Variants in RAB19 observed in about 807,000 individuals in gnomAD.
The protein encoded by RAB19 is RAB19, member RAS oncogene family.
RAB19 carries 21 observed loss-of-function variants against 17.3 expected under a neutral mutation model. That is an observed-to-expected ratio of 1.21 (90% CI 0.86 to 1.74). RAB19 has a LOEUF of 1.74. RAB19 is among the 40% of genes most tolerant of loss of function. The probability of loss-of-function intolerance (pLI) is 0.00; values close to 1 mark genes in which losing one functional copy is unlikely to be tolerated. For synonymous variants in RAB19, 126 were observed against 110.4 expected (o/e 1.14, Z -0.88); for missense variants, 277 against 286.8 (o/e 0.97, Z 0.25).
chr7:140,425,949 G>GCAC lies in RAB19; in HGVS notation c.453_454insCAC (p.Lys151_Tyr152insHis). On this transcript the variant is annotated inframe_insertion, in exon 4 of 4. Transcript: ENST00000537763. ...AGGATGCCTGCACACTGGCTGAGAAGTACGGCCTCCTGGCCGTTTTGGAGA... is the reference window on the plus strand; with the variant it reads ...AGGATGCCTGCACACTGGCTGAGAAGCACTACGGCCTCCTGGCCGTTTTGGAGA... The GCAC allele has an allele frequency of 6.2e-7, 1 of 1,614,196 alleles. No individual in the cohort carries two copies. The highest frequency in any genetic ancestry group is 8.5e-7 in the Non-Finnish European group (1 of 1,180,022).
Position 140,411,936 on chromosome 7 carries a change from C to T in RAB19, c.264C>T (p.Arg88=). 6.2e-7 allele frequency: 1 copy of T among 1,614,226 alleles called. No homozygotes were observed. Among genetic ancestry groups the T allele is most frequent in the Admixed American group, 1.7e-5 (1 of 60,006 alleles). Residue 88 remains arginine, a synonymous_variant, in exon 3 of 4, where the codon CGC becomes CGT. Transcript: ENST00000537763. ...GCACCATCACCCAAAGCTACTACCG[C>T]AGTGCCCACGCAGCCATCATCGCCT... is the stretch of plus-strand genomic sequence containing the variant. ...RFRTITQSYY[R]SAHAAIIAYD...
chr7:140,411,704 T>C (rs1336422998), intron 2 of RAB19, 170 bp from the exon 3 acceptor site: 31 of 1,437,914 alleles, frequency 2.2e-5, no homozygotes, highest in Non-Finnish European at 2.8e-5. Context: ...ATCCAAGTCA[T>C]CCAGGGAGCA....
intron 1 of RAB19, among the ~76,000 whole-genome samples, chr7:140,406,577 T>C (rs1799244825): frequency 1.3e-5 from 2 of 150,674 alleles, no homozygotes; most frequent in Admixed American, 6.6e-5. Flanking sequence ...AGGCAGAGGT[T>C]GCAGTGAGCT....
Position 140,425,920 on chromosome 7 carries a change from T to C in RAB19, c.424T>C (p.Phe142Leu), listed in dbSNP as rs777801769. 8.7e-6 allele frequency: 14 copies of C among 1,613,998 alleles called. No individual in the cohort carries two copies. Among genetic ancestry groups the C allele is most frequent in the African/African-American group, 2.7e-5 (2 of 74,922 alleles). The stretch of plus-strand genomic sequence containing the variant: ...CCTCTGGGAAAAGCGGCACGTCCTG[T>C]TCGAGGATGCCTGCACACTGGCTGA... ...CDLWEKRHVL[F>L]EDACTLAEKY... Residue 142 changes from phenylalanine to leucine, a missense_variant, in exon 4 of 4, where the codon TTC becomes CTC. Coordinates refer to ENST00000537763, the MANE Select transcript of RAB19 (RefSeq NM_001008749.3).
chr7:140,409,970 G>A (rs1326574552), intron 2 of RAB19, among the ~76,000 whole-genome samples: 118 of 140,132 alleles, frequency 8.4e-4, no homozygotes, highest in African/African-American at 2.9e-3. Flanking sequence ...TCCAGCCTGG[G>A]CAACAGAGCG....
intron 3 of RAB19, among the ~76,000 whole-genome samples, 191 bp downstream of exon 3, chr7:140,412,248 C>A (rs6464764): frequency 0.52 from 79,260 of 151,546 alleles, 21,029 homozygotes; most frequent in Non-Finnish European, 0.56. Context: ...TCAGGAGATC[C>A]AGACCATCCT....
At chr7:140,417,334 C>T (rs942315619) in intron 3 of RAB19, among the ~76,000 whole-genome samples, 3 of 150,644 alleles carry the variant, frequency 2.0e-5, no homozygotes, top group African/African-American at 7.3e-5. Context: ...GCTAGGAGTT[C>T]AAGGCTGCAG....
rs61746896 is a variant in RAB19 at position 140,411,903 on chromosome 7, G to A, written c.231G>A (p.Glu77=). ...KMQVWDTAGQ[E]RFRTITQSYY... is the part of the protein sequence containing the mutation. ...AGGTGTGGGACACAGCTGGCCAGGA[G>A]CGCTTCCGCACCATCACCCAAAGCT... Residue 77 remains glutamate (E), a synonymous_variant, in exon 3 of 4, where the codon GAG becomes GAA. Transcript: ENST00000537763. The A allele has an allele frequency of 1.1e-3, 1,780 of 1,614,176 alleles. 11 individuals are homozygous for A. In the African/African-American group the frequency reaches 0.019, roughly 17 times the overall value.
intron 2 of RAB19, 33 bp downstream of exon 2, chr7:140,407,880 CTTTTTTTTTT>C (rs71170993): frequency 0.021 from 13,625 of 637,554 alleles, 47 homozygotes; most frequent in Non-Finnish European, 0.028. Context: ...CTGGTTCCAC[CTTTTTTTTTT>C]TTTTTTTTTT....
chr7:140,426,285 C>A lies in RAB19; in HGVS notation c.*135C>A. On this transcript the variant is annotated 3_prime_UTR_variant, in exon 4 of 4. Transcript: ENST00000537763. ...GCCGCTCACCCCTAATCCTCCCAGTCTGGATGGGCCACACTTCTCCCTTGA... is the reference window on the plus strand; with the variant it reads ...GCCGCTCACCCCTAATCCTCCCAGTATGGATGGGCCACACTTCTCCCTTGA... The A allele has an allele frequency of 4.1e-6, 4 of 976,356 alleles. No individual in the cohort carries two copies. The highest frequency in any genetic ancestry group is 2.6e-5 in the East Asian group (1 of 37,994). The allele number at this position is 976,356 out of a possible 1,614,324, so 60.5% of individuals were successfully genotyped here.
chr7:140,412,346 G>A (rs973784279), intron 3 of RAB19, among the ~76,000 whole-genome samples: 1 of 152,048 alleles, frequency 6.6e-6, no homozygotes, highest in Non-Finnish European at 1.5e-5. Context: ...CAGCTACTCG[G>A]GAGGCTGAGG....
intron 2 of RAB19, among the ~76,000 whole-genome samples, chr7:140,410,785 T>G (rs1256700377): frequency 2.6e-5 from 4 of 152,100 alleles, no homozygotes; most frequent in Non-Finnish European, 5.9e-5. Flanking sequence ...CTAGCTTTGG[T>G]GTATGTTTGC....
intron 3 of RAB19, among the ~76,000 whole-genome samples, chr7:140,420,438 AAGAAG>A (rs1436088769): frequency 7.1e-6 from 1 of 140,126 alleles, no homozygotes; most frequent in East Asian, 2.1e-4. Context: ...AAAAAAAAAA[AAGAAG>A]AAGAAGAAGG....
intron 3 of RAB19, among the ~76,000 whole-genome samples, chr7:140,423,292 T>C (rs532473457): frequency 1.3e-5 from 2 of 151,770 alleles, no homozygotes; most frequent in East Asian, 3.9e-4. Context: ...ATACAAAAAT[T>C]AGCTGGGCAT....
intron 3 of RAB19, among the ~76,000 whole-genome samples, chr7:140,417,417 A>AAT (rs1799480415): frequency 6.6e-6 from 1 of 151,476 alleles, no homozygotes; most frequent in Non-Finnish European, 1.5e-5. Context: ...AAAAAAAAAA[A>AAT]AATCAAATCC....
chr7:140,407,077 G>A (rs1799255961), intron 1 of RAB19, among the ~76,000 whole-genome samples: 2 of 152,066 alleles, frequency 1.3e-5, no homozygotes, highest in Admixed American at 1.3e-4. Context: ...TAGAGATGGG[G>A]TTTCTCCACG....
intron 3 of RAB19, among the ~76,000 whole-genome samples, chr7:140,414,023 C>T (rs1799412505): frequency 6.6e-6 from 1 of 152,142 alleles, no homozygotes; most frequent in Admixed American, 6.6e-5. Flanking sequence ...AGCTGCCCAA[C>T]CTCAGATGCC....
In RAB19 at chr7:140,407,433, G is replaced by C; in HGVS notation, c.-23-191G>C. On this transcript the variant is annotated intron_variant, in intron 1 of 3. Transcript: ENST00000537763. ...GCAGTAGAACCTCTTTATTCCAAGA[G>C]CACCCCTAAAGTAAGATCAACACAC... 5.5e-6 allele frequency: 3 copies of C among 541,938 alleles called. No homozygotes were observed. The East Asian group carries it at 9.5e-5, about 17-fold the overall frequency. 33.6% of individuals were successfully genotyped at this position (541,938 alleles called of 1,614,324 possible). A position where few individuals can be genotyped will look rare whatever the true frequency, so the allele number is the denominator to read the frequency against.
chr7:140,411,609 CAA>C (rs1455769314), intron 2 of RAB19, among the ~76,000 whole-genome samples: 3 of 151,694 alleles, frequency 2.0e-5, no homozygotes, highest in Non-Finnish European at 4.4e-5. Flanking sequence ...GGGCTGCATT[CAA>C]AGTTGTCCTG....
Sources: allele counts gnomAD v4.1 joint callset (sites outside exome capture counted in the v4.1 genomes callset), GRCh38; gene constraint gnomAD v4.1.1; transcripts MANE v1.5; gene names NCBI Gene and HGNC (gene_info 2026-07-23, HGNC 2026-07-21).